SERINC5: variants seen among roughly 807,000 people sequenced by gnomAD.
The protein encoded by SERINC5 is serine incorporator 5.
Under a neutral mutation model 63.1 loss-of-function variants are expected in SERINC5, and 41 were observed. The observed-to-expected ratio is 0.65, with a 90% confidence interval of 0.51 to 0.84. The LOEUF is 0.84. Ranked by LOEUF, SERINC5 falls within the 40% of genes least tolerant of loss-of-function variation. SERINC5 has a pLI of 0.00. For missense variants in SERINC5, 523 were observed against 573.0 expected, an observed-to-expected ratio of 0.91 and a Z score of 0.89; for synonymous variants, 222 against 215.2, an observed-to-expected ratio of 1.03 and a Z score of -0.28.
At chr5:80,182,991 T>C (rs1322246689) in intron 2 of SERINC5, among the ~76,000 whole-genome samples, 2 of 152,080 alleles carry the variant, frequency 1.3e-5, no homozygotes, top group Non-Finnish European at 2.9e-5. Context: ...AAGGGCCAGG[T>C]GCATGCCAGA....
chr5:80,231,157 G>C (rs1046694379), intron 1 of SERINC5, among the ~76,000 whole-genome samples: 2 of 152,050 alleles, frequency 1.3e-5, no homozygotes, highest in Non-Finnish European at 2.9e-5. Flanking sequence ...ATGTGGAAAA[G>C]AGAAAAAGGG....
At chr5:80,155,827 G>A (rs1746487367) in intron 8 of SERINC5, among the ~76,000 whole-genome samples, 1 of 152,154 alleles carries the variant, frequency 6.6e-6, no homozygotes, top group Non-Finnish European at 1.5e-5. Context: ...TCCAAGCTAT[G>A]ATGTTCTTTC....
intron 8 of SERINC5, among the ~76,000 whole-genome samples, chr5:80,155,583 A>AAAAAAAAAAG (rs55695826): frequency 1.3e-5 from 2 of 149,902 alleles, no homozygotes; most frequent in African/African-American, 5.0e-5. Flanking sequence ...AAAAAAAAAA[A>AAAAAAAAAAG]GGAAGAAAGA....
intron 1 of SERINC5, among the ~76,000 whole-genome samples, chr5:80,244,473 C>A (rs1404876378): frequency 1.3e-5 from 2 of 152,004 alleles, no homozygotes; most frequent in East Asian, 2.0e-4. Flanking sequence ...CCTCAGCCCC[C>A]CAAAGTGCTG....
In SERINC5 at chr5:80,213,245, C is replaced by CAAAAAAAAAAAAAA. The variant is rs57289084; in HGVS notation, c.28-10193_28-10192insTTTTTTTTTTTTTT. 6.0e-4 allele frequency among the ~76,000 whole-genome samples: 79 copies of CAAAAAAAAAAAAAA among 132,630 alleles called. 8 individuals are homozygous for CAAAAAAAAAAAAAA. Among genetic ancestry groups the CAAAAAAAAAAAAAA allele is most frequent in the Middle Eastern group, 7.5e-3 (2 of 266 alleles). The allele number at this position is 132,630 out of a possible 152,430, so 87.0% of individuals were successfully genotyped here. A position where few individuals can be genotyped will look rare whatever the true frequency, so the allele number is the denominator to read the frequency against. ...TGGGCAACAGGGCAAGACTGCATCTCAAAGAAAGAAAAAAGAAAGCTAAAG... is the reference window on the plus strand; with the variant it reads ...TGGGCAACAGGGCAAGACTGCATCTCAAAAAAAAAAAAAAAAAGAAAGAAAAAAGAAAGCTAAAG... On this transcript the variant is annotated intron_variant, in intron 1 of 11. Transcript: ENST00000507668.
intron 1 of SERINC5, among the ~76,000 whole-genome samples, chr5:80,229,317 C>A (rs549146906): frequency 1.7e-4 from 25 of 150,436 alleles, no homozygotes; most frequent in African/African-American, 5.9e-4. Context: ...AGCCACCATT[C>A]CTGGCATTTT....
At chr5:80,145,714 A>C (rs1220739036) in intron 11 of SERINC5, among the ~76,000 whole-genome samples, 1 of 152,174 alleles carries the variant, frequency 6.6e-6, no homozygotes, top group Non-Finnish European at 1.5e-5. Context: ...TCCAGGGTTA[A>C]AACATACCCA....
chr5:80,250,740 CTGA>C (rs1752374003), intron 1 of SERINC5, among the ~76,000 whole-genome samples: 2 of 152,192 alleles, frequency 1.3e-5, no homozygotes, highest in Admixed American at 1.3e-4. Context: ...ATCAGTTGCC[CTGA>C]TAAGACCCCT....
At chr5:80,149,267 T>C (rs1188135865) in intron 9 of SERINC5, among the ~76,000 whole-genome samples, 3 of 152,206 alleles carry the variant, frequency 2.0e-5, no homozygotes, top group Admixed American at 2.0e-4. Context: ...ACCTAGTCAA[T>C]GGTGAGAATA....
chr5:80,145,991 CA>C, intron 11 of SERINC5, 98 bp downstream of exon 11: 1 of 1,308,836 alleles, frequency 7.6e-7, no homozygotes, highest in East Asian at 2.4e-5. Context: ...GCCTGGGCAA[CA>C]GAGTGAGACT....
At chr5:80,133,782 G>A (rs76623796), downstream of SERINC5, among the ~76,000 whole-genome samples, 8 of 152,192 alleles carry the variant, frequency 5.3e-5, no homozygotes, top group Non-Finnish European at 5.9e-5. Context: ...GTATTATTAC[G>A]CAAATCAGTC....
rs969026478 is a variant in SERINC5 at position 80,166,272 on chromosome 5, T to C, written c.859+111A>G. The C allele has an allele frequency of 6.7e-6, 5 of 749,514 alleles. No individual in the cohort carries two copies. In the East Asian group the frequency reaches 1.4e-4, roughly 21 times the overall value. 46.4% of individuals were successfully genotyped at this position (749,514 alleles called of 1,614,324 possible). Reference sequence around the variant, plus strand: ...AACCCTTCCCAGCCTCTGGTAACCATCTTTCTGCTCTCTATCTCCAAGGCC... The same window carrying C: ...AACCCTTCCCAGCCTCTGGTAACCACCTTTCTGCTCTCTATCTCCAAGGCC... On this transcript the variant is annotated intron_variant, in intron 7 of 11. Coordinates refer to ENST00000507668, the MANE Select transcript of SERINC5 (RefSeq NM_001174072.3).
At chr5:80,161,006 GTATATATACGTGTATATA>G (rs1412971249) in intron 7 of SERINC5, among the ~76,000 whole-genome samples, 5 of 147,070 alleles carry the variant, frequency 3.4e-5, no homozygotes, top group Admixed American at 2.7e-4. Flanking sequence ...ATATATACGT[GTATATATACGTGTATATA>G]TATACACACG....
rs1486770438 is a variant in SERINC5 at position 80,219,036 on chromosome 5, T to C, written c.28-15983A>G. ...TCCAATAAAAGATGATTATTTCAAGTCTTTCTAATATTTTTCACATAAATA... is the reference window on the plus strand; with the variant it reads ...TCCAATAAAAGATGATTATTTCAAGCCTTTCTAATATTTTTCACATAAATA... On this transcript the variant is annotated intron_variant, in intron 1 of 11. Transcript: ENST00000507668. Among the ~76,000 whole-genome samples, 7 of 152,344 alleles carry C rather than the reference T, an allele frequency of 4.6e-5. No homozygotes were observed. The East Asian group carries it at 1.2e-3, about 25-fold the overall frequency.
chr5:80,156,360 G>C (rs1746518127), intron 8 of SERINC5, among the ~76,000 whole-genome samples: 1 of 152,146 alleles, frequency 6.6e-6, no homozygotes, highest in Non-Finnish European at 1.5e-5. Flanking sequence ...CACCCCTACA[G>C]CATTCCTTTT....
In SERINC5 at chr5:80,245,609, A is replaced by ATT. The variant is rs5869028; in HGVS notation, c.27+10285_27+10286dup. 1.2e-3 allele frequency among the ~76,000 whole-genome samples: 186 copies of ATT among 150,516 alleles called. 2 individuals carry two copies. The East Asian group carries it at 0.021, about 17-fold the overall frequency. On this transcript the variant is annotated intron_variant, in intron 1 of 11. Transcript: ENST00000507668. Reference sequence around the variant, plus strand: ...TATTCTAGGCACCCAGTGAATATTTATTTTTTTTTATTTTTTATTTTTTGA... The same window carrying ATT: ...TATTCTAGGCACCCAGTGAATATTTATTTTTTTTTTTATTTTTTATTTTTTGA...
intron 1 of SERINC5, among the ~76,000 whole-genome samples, chr5:80,239,199 G>A (rs1182657656): frequency 6.6e-6 from 1 of 152,198 alleles, no homozygotes; most frequent in Non-Finnish European, 1.5e-5. Context: ...TCTGAGAATG[G>A]CAACGCAGGA....
At chr5:80,171,074 G>T (rs1747622811) in intron 5 of SERINC5, among the ~76,000 whole-genome samples, 1 of 151,970 alleles carries the variant, frequency 6.6e-6, no homozygotes, top group Admixed American at 6.6e-5. Flanking sequence ...GCTGTGGTGT[G>T]ATCTTGGCTC....
intron 5 of SERINC5, among the ~76,000 whole-genome samples, chr5:80,172,799 T>G (rs375206547): frequency 6.6e-6 from 1 of 152,194 alleles, no homozygotes; most frequent in East Asian, 1.9e-4. Context: ...GGTTTGTGCG[T>G]GGGAGACGAC....
Sources: allele counts gnomAD v4.1 joint callset (sites outside exome capture counted in the v4.1 genomes callset), GRCh38; gene constraint gnomAD v4.1.1; transcripts MANE v1.5; gene names NCBI Gene and HGNC (gene_info 2026-07-23, HGNC 2026-07-21).